SPTBN2: variants seen among roughly 807,000 people sequenced by gnomAD.
SPTBN2 encodes spectrin beta, non-erythrocytic 2.
Under a neutral mutation model 284.2 loss-of-function variants are expected in SPTBN2, and 107 were observed. The observed-to-expected ratio is 0.38, with a 90% CI of 0.32 to 0.44. The LOEUF is 0.44. Ranked by LOEUF, SPTBN2 falls within the 20% of genes least tolerant of loss-of-function variation. The pLI is 1.00. For missense variants in SPTBN2, 2,569 were observed against 3,287.1 expected (o/e 0.78, Z 5.34); for synonymous variants, 1,289 against 1,354.8 (o/e 0.95, Z 1.07).
Position 66,699,655 on chromosome 11 carries a change from AC to A in SPTBN2, c.3574-48del, listed in dbSNP as rs770184573. ...CAGCTCATTTTCCCCAGCACAATTCACCCCCCTAGGAGGGACCCACCCAGGG... is the reference window on the plus strand; with the variant it reads ...CAGCTCATTTTCCCCAGCACAATTCACCCCCTAGGAGGGACCCACCCAGGG... On this transcript the variant is annotated intron_variant, in intron 17 of 37. Transcript: ENST00000533211. The A allele has an allele frequency of 1.0e-5, 16 of 1,604,726 alleles. 1 individual carries two copies. Among genetic ancestry groups the A allele is most frequent in the African/African-American group, 9.4e-5 (7 of 74,422 alleles).
At position 66,700,930 on chromosome 11, in the gene SPTBN2, G is replaced by T; in HGVS notation, c.3169C>A (p.Arg1057=). 1 of 1,602,824 alleles carries T rather than the reference G, an allele frequency of 6.2e-7. No individual in the cohort carries two copies. The highest frequency in any genetic ancestry group is 8.5e-7 in the Non-Finnish European group (1 of 1,179,836). ...CGCGCCTCCCCCAGCGACTCTTCTC[G>T]ACGCCGCATGGTGGCCCTGAGGTCC... ...WEDLRATMRR[R]EESLGEARRL... is the part of the protein sequence containing the mutation. Residue 1057 remains arginine, a synonymous_variant, in exon 17 of 38, where the codon CGA becomes AGA. Transcript: ENST00000533211. The surrounding 1 kb of genome is among the most constrained non-coding windows in gnomAD (Gnocchi z 6.6).
intron 17 of SPTBN2, among the ~76,000 whole-genome samples, chr11:66,699,882 T>A (rs1941143822): frequency 6.6e-6 from 1 of 152,214 alleles, no homozygotes; most frequent in African/African-American, 2.4e-5. Context: ...CATGACAAAC[T>A]GGGCTTTCTA....
chr11:66,727,930 G>A (rs1942683133), intron 1 of SPTBN2: 1 of 150,596 alleles, frequency 6.6e-6, no homozygotes, highest in South Asian at 2.1e-4. Context: ...CCCGGCTCCA[G>A]AGAGGCCCGA....
Position 66,703,801 on chromosome 11 carries a change from T to G in SPTBN2, c.2678+797A>C, listed in dbSNP as rs1590943373. ...TGGTATTGTGGTTCTATAAAAAAATTTTTAAGATTTATTATTGAATAAATG... is the reference window on the plus strand; with the variant it reads ...TGGTATTGTGGTTCTATAAAAAAATGTTTAAGATTTATTATTGAATAAATG... On this transcript the variant is annotated intron_variant, in intron 15 of 37. Transcript: ENST00000533211. Among the ~76,000 whole-genome samples, 3 of 152,220 alleles carry G rather than the reference T, an allele frequency of 2.0e-5. No individual in the cohort carries two copies. The East Asian group carries it at 5.8e-4, about 29-fold the overall frequency.
At chr11:66,699,342 G>C in intron 18 of SPTBN2, 64 bp downstream of exon 18, 1 of 1,588,052 alleles carries the variant, frequency 6.3e-7, no homozygotes, top group Non-Finnish European at 8.6e-7. Context: ...GTTTATCTTT[G>C]AGGTCACCCT....
intron 1 of SPTBN2, among the ~76,000 whole-genome samples, chr11:66,739,628 T>C (rs2135613442): frequency 6.6e-6 from 1 of 152,354 alleles, no homozygotes; most frequent in South Asian, 2.1e-4. Flanking sequence ...GTGACCACAT[T>C]ACAGTGCTGT....
chr11:66,692,655 G>A lies in SPTBN2; in HGVS notation c.5071C>T (p.Gln1691Ter). 1 of 1,604,606 alleles carries A rather than the reference G, an allele frequency of 6.2e-7. No homozygotes were observed. Among genetic ancestry groups the A allele is most frequent in the Non-Finnish European group, 8.5e-7 (1 of 1,179,926 alleles). The change falls in exon 26 of 38, where the codon CAG becomes TAG. Residue 1691 changes from glutamine to a stop codon, truncating the protein, a stop_gained. Coordinates refer to ENST00000533211, the MANE Select transcript of SPTBN2 (RefSeq NM_006946.4). LOFTEE classifies it high-confidence loss of function. ...AGCTGGCACAGCCGGAGGTGCTCCT[G>A]CAGGCGCTCCCGCCGCTCTCCAGCC... ...ELAGERRERL[Q>*]EHLRLCQLRR...
rs117394165 is a variant in SPTBN2 at position 66,688,931 on chromosome 11, C to T, written c.6035-82G>A. 0.032 allele frequency: 49,793 copies of T among 1,554,292 alleles called. 946 individuals are homozygous for T. Among genetic ancestry groups the T allele is most frequent in the Middle Eastern group, 0.041 (246 of 5,962 alleles). On this transcript the variant is annotated intron_variant, in intron 30 of 37. Coordinates refer to ENST00000533211, the MANE Select transcript of SPTBN2 (RefSeq NM_006946.4). ...ACAGTGGCCATGGCAACCTCAAGAA[C>T]AGGGACACAGAGAAAGCCACTGCCC...
At position 66,687,644 on chromosome 11, in the gene SPTBN2, G is replaced by A. The variant is rs1282861762; in HGVS notation, c.6505C>T (p.Pro2169Ser). ...CCATTGGCTTCGTCCCCTGAGCCAGGTCCCTGGGGGGGAATCAGTGTCAGT... is the reference window on the plus strand; with the variant it reads ...CCATTGGCTTCGTCCCCTGAGCCAGATCCCTGGGGGGGAATCAGTGTCAGT... ...EHSSFPEGPG[P>S]GSGDEANGPR... is the part of the protein sequence containing the mutation. The change falls in exon 35 of 38, where the codon CCT becomes TCT. Residue 2169 changes from proline to serine, a missense_variant. Coordinates refer to ENST00000533211, the MANE Select transcript of SPTBN2 (RefSeq NM_006946.4). The surrounding 1 kb of genome is among the most constrained non-coding windows in gnomAD (Gnocchi z 5.2). The A allele has an allele frequency of 3.1e-6, 5 of 1,592,924 alleles. No individual in the cohort carries two copies. Among genetic ancestry groups the A allele is most frequent in the Non-Finnish European group, 4.3e-6 (5 of 1,169,772 alleles).
At chr11:66,712,074 T>C (rs745995071) in intron 8 of SPTBN2, among the ~76,000 whole-genome samples, 3 of 152,208 alleles carry the variant, frequency 2.0e-5, no homozygotes, top group Non-Finnish European at 2.9e-5. Context: ...GGAAACAGGC[T>C]CTGGAGCCAG....
upstream of SPTBN2, among the ~76,000 whole-genome samples, chr11:66,732,347 A>C (rs1030916169): frequency 3.3e-5 from 5 of 152,206 alleles, no homozygotes; most frequent in African/African-American, 9.7e-5. Flanking sequence ...CATGGTGTAC[A>C]TAGGAAATGG....
At chr11:66,697,445 GA>G (rs1940982484) in intron 20 of SPTBN2, among the ~76,000 whole-genome samples, 1 of 152,096 alleles carries the variant, frequency 6.6e-6, no homozygotes, top group Non-Finnish European at 1.5e-5. Flanking sequence ...TGGTGGTCAG[GA>G]CTTCCCGGGG....
At chr11:66,688,142 C>A in intron 32 of SPTBN2, 27 bp downstream of exon 32, 1 of 1,613,582 alleles carries the variant, frequency 6.2e-7, no homozygotes, top group East Asian at 2.2e-5. Flanking sequence ...CAGCCGCCTC[C>A]TCCTACCCAG....
chr11:66,695,191 C>T (rs1323219729), intron 21 of SPTBN2, among the ~76,000 whole-genome samples: 3 of 152,244 alleles, frequency 2.0e-5, no homozygotes, highest in Non-Finnish European at 2.9e-5. Flanking sequence ...TTCTTCAGAG[C>T]AGGGACCAGC....
intron 3 of SPTBN2, among the ~76,000 whole-genome samples, chr11:66,717,948 C>T (rs1320767723): frequency 6.6e-6 from 1 of 152,188 alleles, no homozygotes; most frequent in Non-Finnish European, 1.5e-5. Flanking sequence ...GAGACACTCC[C>T]TTTGCTTCCA....
chr11:66,695,792 T>C (rs1405312866), intron 21 of SPTBN2, among the ~76,000 whole-genome samples: 1 of 151,984 alleles, frequency 6.6e-6, no homozygotes, highest in Non-Finnish European at 1.5e-5. Context: ...TGCGATGGCA[T>C]GATCACGGCT....
intron 3 of SPTBN2, among the ~76,000 whole-genome samples, chr11:66,719,294 CCCACCAGGGCCATCCT>C (rs1942286277): frequency 6.6e-6 from 1 of 152,244 alleles, no homozygotes; most frequent in Non-Finnish European, 1.5e-5. Context: ...TGCCCTCTGG[CCCACCAGGGCCATCCT>C]CCACCAGGCC....
chr11:66,690,122 C>T lies in SPTBN2; in HGVS notation c.5727G>A (p.Lys1909=), dbSNP rs777255504. 3.7e-6 allele frequency: 6 copies of T among 1,614,250 alleles called. No homozygotes were observed. The South Asian group carries it at 5.5e-5, about 15-fold the overall frequency. The change falls in exon 28 of 38, where the codon AAG becomes AAA. Residue 1909 remains lysine (K), a synonymous_variant. Coordinates refer to ENST00000533211, the MANE Select transcript of SPTBN2 (RefSeq NM_006946.4). The part of the protein sequence containing the change: ...RRQLLLDTTD[K]FRFFKAVREL... ...CCCGGACAGCCTTGAAGAAGCGGAA[C>T]TTGTCTGTGGTGTCCAGCAGCAGCT... is the stretch of plus-strand genomic sequence containing the variant.
intron 3 of SPTBN2, among the ~76,000 whole-genome samples, chr11:66,720,623 A>C (rs1338894003): frequency 6.6e-6 from 1 of 152,120 alleles, no homozygotes; most frequent in Admixed American, 6.5e-5. Context: ...AATGGGAGTA[A>C]CAGGTGGCAG....
Sources: gnomAD v4.1 joint callset for allele counts (sites outside exome capture counted in the v4.1 genomes callset) on GRCh38, gnomAD v4.1.1 for gene constraint, Gnocchi (gnomAD v3.1) non-coding constraint, MANE v1.5 for transcripts, NCBI Gene and HGNC (gene_info 2026-07-23, HGNC 2026-07-21) for gene names.